SNTG1: variants seen among roughly 807,000 people sequenced by gnomAD.
SNTG1 encodes syntrophin gamma 1.
A neutral mutation model predicts 74.7 loss-of-function variants in SNTG1; 39 were observed. The ratio of observed to expected loss-of-function variants is 0.52; its 90% CI spans 0.40 to 0.68. SNTG1 has a LOEUF of 0.68. Ranked by LOEUF, SNTG1 falls within the 30% of genes least tolerant of loss-of-function variation. SNTG1 has a pLI of 0.00. For synonymous variants in SNTG1, 254 were observed against 217.1 expected, an observed-to-expected ratio of 1.17 and a Z score of -1.49; for missense variants, 685 against 609.5, an observed-to-expected ratio of 1.12 and a Z score of -1.30.
At chr8:49,943,492 G>A (rs929692870) in intron 1 of SNTG1, among the ~76,000 whole-genome samples, 1 of 152,224 alleles carries the variant, frequency 6.6e-6, no homozygotes, top group African/African-American at 2.4e-5. Context: ...CAGAATACTT[G>A]TTCAGGCTAG....
chr8:49,968,779 A>G (rs1178913788), intron 1 of SNTG1, among the ~76,000 whole-genome samples: 1 of 152,154 alleles, frequency 6.6e-6, no homozygotes, highest in African/African-American at 2.4e-5. Flanking sequence ...ATCTCCTGCA[A>G]TCCAATCATA....
chr8:50,093,366 C>A (rs34908792), intron 1 of SNTG1, among the ~76,000 whole-genome samples: 3 of 151,988 alleles, frequency 2.0e-5, no homozygotes, highest in Non-Finnish European at 4.4e-5. Flanking sequence ...TTCACAATCA[C>A]ATAGACATCA....
At chr8:50,720,549 G>A (rs1377190956) in intron 17 of SNTG1, among the ~76,000 whole-genome samples, 1 of 152,168 alleles carries the variant, frequency 6.6e-6, no homozygotes, top group East Asian at 1.9e-4. Context: ...CTTTCATGCA[G>A]TATGGAGAAA....
At chr8:50,129,066 C>A (rs1052532515) in intron 1 of SNTG1, among the ~76,000 whole-genome samples, 2 of 152,016 alleles carry the variant, frequency 1.3e-5, no homozygotes, top group African/African-American at 4.8e-5. Flanking sequence ...CAACTGTATT[C>A]TCTAAAATTG....
intron 9 of SNTG1, among the ~76,000 whole-genome samples, chr8:50,526,679 C>T (rs1225122405): frequency 6.6e-6 from 1 of 151,874 alleles, no homozygotes; most frequent in African/African-American, 2.4e-5. Flanking sequence ...GAGATGGAGT[C>T]TCCCCCTGTT....
intron 2 of SNTG1, among the ~76,000 whole-genome samples, chr8:50,329,803 T>A (rs1316746934): frequency 6.6e-6 from 1 of 152,162 alleles, no homozygotes; most frequent in African/African-American, 2.4e-5. Context: ...CTTGAATTTC[T>A]CCCTAGAAAT....
intron 2 of SNTG1, among the ~76,000 whole-genome samples, chr8:50,329,191 G>T (rs1468602944): frequency 6.6e-6 from 1 of 152,176 alleles, no homozygotes; most frequent in African/African-American, 2.4e-5. Context: ...TGCTTTCACA[G>T]CTGGCATTGT....
chr8:50,095,350 A>G (rs1030530637), intron 1 of SNTG1, among the ~76,000 whole-genome samples: 1 of 152,176 alleles, frequency 6.6e-6, no homozygotes, highest in Non-Finnish European at 1.5e-5. Context: ...TAGTTTAAGG[A>G]CTGAAACCTT....
rs2092614354 is a variant in SNTG1 at position 50,388,875 on chromosome 8, A to T, written c.-27-5337A>T. The stretch of plus-strand genomic sequence containing the variant: ...TAAATGGCTGGGCTCTGTAGCAGCT[A>T]AAGCTCACCACCACAAATATCAAGC... On this transcript the variant is annotated intron_variant, in intron 2 of 18. Coordinates refer to ENST00000642720, the MANE Select transcript of SNTG1 (RefSeq NM_018967.5). 5.9e-5 allele frequency among the ~76,000 whole-genome samples: 9 copies of T among 152,310 alleles called. No homozygotes were observed. In the South Asian group the frequency reaches 1.9e-3, roughly 32 times the overall value.
chr8:50,071,384 C>A (rs1821352338), intron 1 of SNTG1, among the ~76,000 whole-genome samples: 1 of 151,980 alleles, frequency 6.6e-6, no homozygotes, highest in Admixed American at 6.6e-5. Context: ...TTATTTTTCC[C>A]AGACTCACAA....
At chr8:50,305,006 G>A (rs970317378) in intron 2 of SNTG1, among the ~76,000 whole-genome samples, 2 of 151,988 alleles carry the variant, frequency 1.3e-5, no homozygotes, top group African/African-American at 2.4e-5. Context: ...AGGTTCAAGC[G>A]ATTCTCCTAC....
At chr8:50,352,606 G>A (rs1486867282) in intron 2 of SNTG1, among the ~76,000 whole-genome samples, 3 of 151,934 alleles carry the variant, frequency 2.0e-5, no homozygotes, top group African/African-American at 7.2e-5. Flanking sequence ...AGTCAGGCTG[G>A]TCATGAACTC....
intron 2 of SNTG1, among the ~76,000 whole-genome samples, chr8:50,282,151 G>A (rs1171165634): frequency 6.6e-6 from 1 of 151,970 alleles, no homozygotes. Flanking sequence ...AGACATACCA[G>A]CTCCCCTCTG....
At position 49,962,641 on chromosome 8, in the gene SNTG1, G is replaced by T. The variant is rs150287321; in HGVS notation, c.-103+50410G>T. Among the ~76,000 whole-genome samples the T allele has an allele frequency of 3.0e-3, 461 of 152,138 alleles. 1 individual carries two copies. Among genetic ancestry groups the T allele is most frequent in the Non-Finnish European group, 4.9e-3 (330 of 67,996 alleles). On this transcript the variant is annotated intron_variant, in intron 1 of 18. Transcript: ENST00000642720. ...ATAATGGCCTTGCTCTGTCACCCAG[G>T]CTGGGGTGCAGTGATGTGACCTCAA...
chr8:50,335,521 T>C (rs1440807750), intron 2 of SNTG1, among the ~76,000 whole-genome samples: 1 of 152,210 alleles, frequency 6.6e-6, no homozygotes, highest in Non-Finnish European at 1.5e-5. Flanking sequence ...CACTGATCAT[T>C]GTACTTAGAA....
intron 1 of SNTG1, among the ~76,000 whole-genome samples, chr8:50,062,180 A>G (rs1486908014): frequency 2.6e-5 from 4 of 152,122 alleles, no homozygotes; most frequent in African/African-American, 9.6e-5. Context: ...AGTAGCTGGG[A>G]GTATAGGTGC....
At position 50,017,105 on chromosome 8, in the gene SNTG1, G is replaced by A. The variant is rs558377778; in HGVS notation, c.-103+104874G>A. On this transcript the variant is annotated intron_variant, in intron 1 of 18. Coordinates refer to ENST00000642720, the MANE Select transcript of SNTG1 (RefSeq NM_018967.5). ...TCTTTCAAACTGAAATGCAAGGACA[G>A]TATATGGTTTCTCAAATACAAACTA... is the stretch of plus-strand genomic sequence containing the variant. Among the ~76,000 whole-genome samples, 386 of 152,208 alleles carry A rather than the reference G, an allele frequency of 2.5e-3. 2 individuals are homozygous for A. The highest frequency in any genetic ancestry group is 0.013 in the South Asian group (65 of 4,822).
intron 11 of SNTG1, among the ~76,000 whole-genome samples, chr8:50,545,435 G>T (rs1264813089): frequency 6.7e-6 from 1 of 149,456 alleles, no homozygotes; most frequent in Non-Finnish European, 1.5e-5. Context: ...TATGCAAAAT[G>T]AGCATATAAA....
intron 8 of SNTG1, among the ~76,000 whole-genome samples, chr8:50,474,177 C>T (rs35696596): frequency 0.73 from 109,987 of 151,678 alleles, 41,457 homozygotes; most frequent in East Asian, 0.85. Flanking sequence ...AAGGACTTCA[C>T]GTCTAAAACA....
Sources: allele counts gnomAD v4.1 joint callset (sites outside exome capture counted in the v4.1 genomes callset), GRCh38; gene constraint gnomAD v4.1.1; transcripts MANE v1.5; gene names NCBI Gene and HGNC (gene_info 2026-07-23, HGNC 2026-07-21).